Variants in WWOX observed in about 807,000 individuals in gnomAD.
WWOX encodes WW domain containing oxidoreductase.
Under a neutral mutation model 46.2 loss-of-function variants are expected in WWOX, and 69 were observed. The ratio of observed to expected loss-of-function variants is 1.49; its 90% CI spans 1.23 to 1.82. The LOEUF (loss-of-function observed/expected upper bound fraction) is 1.82. Ranked by LOEUF, WWOX falls within the 40% of genes most tolerant of loss-of-function variation. The pLI, the probability that WWOX is intolerant of heterozygous loss-of-function variation, is 0.00. For synonymous variants in WWOX, 359 were observed against 202.6 expected (o/e 1.77, Z -6.56); for missense variants, 919 against 542.6 (o/e 1.69, Z -6.89).
chr16:78,424,568 C>G (rs1026083731), intron 6 of WWOX, among the ~76,000 whole-genome samples: 5 of 152,156 alleles, frequency 3.3e-5, no homozygotes, highest in African/African-American at 1.2e-4. Context: ...AGGGTGACAA[C>G]TCTTCGCAGA....
In WWOX at chr16:78,128,971, C is replaced by T. The variant is rs117209348; in HGVS notation, c.409+13817C>T. On this transcript the variant is annotated intron_variant, in intron 4 of 8. Coordinates refer to ENST00000566780, the MANE Select transcript of WWOX (RefSeq NM_016373.4). The stretch of plus-strand genomic sequence containing the variant: ...AAAGGAAGTTTCAATTCTAAGTTCA[C>T]GTACAGTTACTAGATTGAGTGTTTG... Among the ~76,000 whole-genome samples the T allele has an allele frequency of 4.1e-4, 62 of 152,232 alleles. 1 individual carries two copies. Among genetic ancestry groups the T allele is most frequent in the South Asian group, 1.5e-3 (7 of 4,822 alleles).
At chr16:78,312,628 G>T (rs1222911756) in intron 5 of WWOX, among the ~76,000 whole-genome samples, 1 of 152,146 alleles carries the variant, frequency 6.6e-6, no homozygotes, top group African/African-American at 2.4e-5. Flanking sequence ...ACCTACCTTG[G>T]CCTCCCAAAG....
chr16:78,433,709 A>C (rs1336213041), intron 8 of WWOX, among the ~76,000 whole-genome samples: 1 of 151,634 alleles, frequency 6.6e-6, no homozygotes, highest in Non-Finnish European at 1.5e-5. Context: ...ACGACCTTGG[A>C]AACTGTCTGC....
At chr16:78,559,437 G>A (rs1056392404) in intron 8 of WWOX, among the ~76,000 whole-genome samples, 1 of 152,194 alleles carries the variant, frequency 6.6e-6, no homozygotes, top group Non-Finnish European at 1.5e-5. Flanking sequence ...TCAAATTCTA[G>A]CATGAGACTG....
chr16:78,445,293 A>T (rs1257704534), intron 8 of WWOX, among the ~76,000 whole-genome samples: 2 of 152,206 alleles, frequency 1.3e-5, no homozygotes, highest in African/African-American at 4.8e-5. Context: ...ATGTTCTAGA[A>T]GAAGGGCGCT....
At position 79,088,048 on chromosome 16, in the gene WWOX, C is replaced by G. The variant is rs150679519; in HGVS notation, c.1057-123560C>G. On this transcript the variant is annotated intron_variant, in intron 8 of 8. Transcript: ENST00000566780. ...TTGCTTCCTATGAAATTGGTGCATC[C>G]TGGTCTTGGCCTCTTTGAGCCCTCT... Among the ~76,000 whole-genome samples the G allele has an allele frequency of 2.3e-3, 345 of 152,282 alleles. 7 individuals carry two copies. The highest frequency in any genetic ancestry group is 9.1e-3 in the East Asian group (47 of 5,164).
intron 8 of WWOX, among the ~76,000 whole-genome samples, chr16:79,200,769 G>C (rs12445829): frequency 0.097 from 14,828 of 152,146 alleles, 951 homozygotes; most frequent in African/African-American, 0.18. Flanking sequence ...GAAAGGACTG[G>C]CAAGTGCCTC....
chr16:78,860,809 C>G (rs576103348), intron 8 of WWOX, among the ~76,000 whole-genome samples: 2 of 152,064 alleles, frequency 1.3e-5, no homozygotes, highest in Non-Finnish European at 2.9e-5. Context: ...TTAGCTCAGG[C>G]TATAGGGAGG....
rs1450469775 is a variant in WWOX at position 78,338,821 on chromosome 16, ATTTC to A, written c.517-48035_517-48032del. Among the ~76,000 whole-genome samples, 5 of 117,166 alleles carry A rather than the reference ATTTC, an allele frequency of 4.3e-5. 2 individuals carry two copies. Among genetic ancestry groups the A allele is most frequent in the Admixed American group, 1.7e-4 (2 of 12,084 alleles). The allele number at this position is 117,166 out of a possible 152,430, so 76.9% of individuals were successfully genotyped here. A position where few individuals can be genotyped will look rare whatever the true frequency, so the allele number is the denominator to read the frequency against. On this transcript the variant is annotated intron_variant, in intron 5 of 8. Coordinates refer to ENST00000566780, the MANE Select transcript of WWOX (RefSeq NM_016373.4). Reference sequence around the variant, plus strand: ...GCCATTCATTCATTCTATTCTTTTCATTTCTTTTTCTTTTTGTAAAAATTGTACA... The same window carrying A: ...GCCATTCATTCATTCTATTCTTTTCATTTTTCTTTTTGTAAAAATTGTACA...
chr16:78,213,025 G>C (rs781013469), intron 5 of WWOX, among the ~76,000 whole-genome samples: 1 of 152,032 alleles, frequency 6.6e-6, no homozygotes, highest in Non-Finnish European at 1.5e-5. Flanking sequence ...TTGGGAGGTG[G>C]GCGGATCACT....
chr16:78,909,360 A>G (rs1179771777), intron 8 of WWOX, among the ~76,000 whole-genome samples: 1 of 152,176 alleles, frequency 6.6e-6, no homozygotes, highest in South Asian at 2.1e-4. Context: ...TTCGAGCCTC[A>G]TGTATTCTCT....
intron 8 of WWOX, among the ~76,000 whole-genome samples, chr16:78,678,751 T>G (rs150586167): frequency 6.6e-6 from 1 of 152,132 alleles, no homozygotes; most frequent in Non-Finnish European, 1.5e-5. Context: ...GATAGGAAAC[T>G]GACCTTTTTT....
At chr16:78,948,037 C>G (rs763910303) in intron 8 of WWOX, among the ~76,000 whole-genome samples, 21 of 152,210 alleles carry the variant, frequency 1.4e-4, no homozygotes, top group Non-Finnish European at 2.5e-4. Context: ...GCCTGAAGGG[C>G]TGGTGGAGAG....
chr16:79,099,437 G>A (rs185923570), intron 8 of WWOX, among the ~76,000 whole-genome samples: 26 of 152,300 alleles, frequency 1.7e-4, no homozygotes, highest in Admixed American at 3.3e-4. Flanking sequence ...AAACTGCAGC[G>A]CGCACACTCT....
At chr16:78,985,011 C>T (rs1287594863) in intron 8 of WWOX, among the ~76,000 whole-genome samples, 1 of 152,152 alleles carries the variant, frequency 6.6e-6, no homozygotes, top group Non-Finnish European at 1.5e-5. Flanking sequence ...GATCCTTGCC[C>T]AGCTCCAAGT....
chr16:78,354,312 C>CTTTTTTTTTTTTTTTTTTTTT (rs55635025), intron 5 of WWOX, among the ~76,000 whole-genome samples: 2 of 123,306 alleles, frequency 1.6e-5, no homozygotes. Context: ...ATGTGCTTAA[C>CTTTTTTTTTTTTTTTTTTTTT]TTTTTTTTTT....
intron 8 of WWOX, among the ~76,000 whole-genome samples, chr16:79,038,248 C>T (rs1032756808): frequency 1.3e-5 from 2 of 152,040 alleles, no homozygotes; most frequent in Non-Finnish European, 2.9e-5. Flanking sequence ...TGGTTATTCC[C>T]AGAAAGATCC....
chr16:79,138,685 G>A (rs566875651), intron 8 of WWOX, among the ~76,000 whole-genome samples: 28 of 152,274 alleles, frequency 1.8e-4, no homozygotes, highest in Admixed American at 1.2e-3. Context: ...ACTCTCTAAC[G>A]TGGTCACTTG....
chr16:78,945,181 A>AAAAAAG (rs933000258), intron 8 of WWOX, among the ~76,000 whole-genome samples: 1 of 152,186 alleles, frequency 6.6e-6, no homozygotes, highest in Non-Finnish European at 1.5e-5. Context: ...CCCTGTGTCA[A>AAAAAAG]AAAAAGAAAA....
Sources: gnomAD v4.1 joint callset for allele counts (sites outside exome capture counted in the v4.1 genomes callset) on GRCh38, gnomAD v4.1.1 for gene constraint, MANE v1.5 for transcripts, NCBI Gene and HGNC (gene_info 2026-07-23, HGNC 2026-07-21) for gene names.